B3GNT2: variants seen among roughly 807,000 people sequenced by gnomAD.
B3GNT2 encodes the protein N-acetyllactosaminide beta-1,3-N-acetylglucosaminyltransferase 2.
B3GNT2 carries 12 observed loss-of-function variants against 27.6 expected under a neutral mutation model. The observed-to-expected ratio is 0.44, with a 90% confidence interval of 0.28 to 0.71. B3GNT2 has a LOEUF of 0.71. Ranked by LOEUF, B3GNT2 falls within the 30% of genes least tolerant of loss-of-function variation. The probability of loss-of-function intolerance (pLI) is 0.17; values close to 1 mark genes in which losing one functional copy is unlikely to be tolerated. For synonymous variants in B3GNT2, 192 were observed against 189.7 expected (o/e 1.01, Z -0.10); for missense variants, 413 against 488.5 (o/e 0.85, Z 1.46).
At chr2:62,206,489 G>A (rs1227236112) in intron 1 of B3GNT2, among the ~76,000 whole-genome samples, 1 of 152,186 alleles carries the variant, frequency 6.6e-6, no homozygotes, top group Non-Finnish European at 1.5e-5. Flanking sequence ...GAGTGTCCTT[G>A]ATACCTTTAT....
intron 1 of B3GNT2, among the ~76,000 whole-genome samples, chr2:62,209,681 C>T (rs1022772292): frequency 1.1e-4 from 16 of 152,094 alleles, no homozygotes; most frequent in Non-Finnish European, 2.1e-4. Flanking sequence ...TGGTGGGTAA[C>T]GCTGGTTCTT....
chr2:62,211,373 AAATT>A (rs1307619673), intron 1 of B3GNT2, among the ~76,000 whole-genome samples: 1 of 152,060 alleles, frequency 6.6e-6, no homozygotes, highest in Non-Finnish European at 1.5e-5. Context: ...CCCCCCAAAA[AAATT>A]TGATAAGGCA....
Position 62,222,123 on chromosome 2 carries a change from A to G in B3GNT2, c.-9-89A>G, listed in dbSNP as rs1674709229. 2 of 1,186,600 alleles carry G rather than the reference A, an allele frequency of 1.7e-6. No individual in the cohort carries two copies. Among genetic ancestry groups the G allele is most frequent in the Admixed American group, 2.5e-5 (1 of 39,970 alleles). The allele number at this position is 1,186,600 out of a possible 1,614,324, so 73.5% of individuals were successfully genotyped here. ...AAGTGTAGAGTCTTTGCTGTAAACCACTATTCCTGGGGAGACAGGTAAAAT... is the reference window on the plus strand; with the variant it reads ...AAGTGTAGAGTCTTTGCTGTAAACCGCTATTCCTGGGGAGACAGGTAAAAT... On this transcript the variant is annotated intron_variant, in intron 1 of 1. Transcript: ENST00000301998. This position sits in a 1 kb window ranked among gnomAD's most constrained non-coding sequence, Gnocchi z 4.2.
chr2:62,222,814 G>A lies in B3GNT2; in HGVS notation c.594G>A (p.Leu198=). 1 of 1,614,190 alleles carries A rather than the reference G, an allele frequency of 6.2e-7. No homozygotes were observed. Among genetic ancestry groups the A allele is most frequent in the Non-Finnish European group, 8.5e-7 (1 of 1,180,038 alleles). Residue 198 remains leucine (L), a synonymous_variant, in exon 2 of 2, where the codon CTG becomes CTA. Coordinates refer to ENST00000301998, the MANE Select transcript of B3GNT2 (RefSeq NM_006577.6). The surrounding 1 kb of genome is among the most constrained non-coding windows in gnomAD (Gnocchi z 4.2). Reference sequence around the variant, plus strand: ...ACCACCCCGACCTTTCAGATATGCTGAAATTTGAGAGTGAGAAGCACCAAG... The same window carrying A: ...ACCACCCCGACCTTTCAGATATGCTAAAATTTGAGAGTGAGAAGCACCAAG... ...EDNHPDLSDM[L]KFESEKHQDI...
At chr2:62,205,348 G>A (rs1674353448) in intron 1 of B3GNT2, among the ~76,000 whole-genome samples, 1 of 152,250 alleles carries the variant, frequency 6.6e-6, no homozygotes, top group Non-Finnish European at 1.5e-5. Context: ...ACGGAAGCAA[G>A]TCTTGGTCGA....
intron 1 of B3GNT2, among the ~76,000 whole-genome samples, chr2:62,200,221 G>A (rs952354078): frequency 6.6e-5 from 10 of 151,940 alleles, no homozygotes; most frequent in Admixed American, 6.6e-4. Flanking sequence ...TGCAATTTTA[G>A]CTTTAGGTAT....
Position 62,199,828 on chromosome 2 carries a change from A to G in B3GNT2, c.-10+3473A>G, listed in dbSNP as rs374988134. ...TACTTGCCAAATATGTCTGCAAATT[A>G]CAGAATGAATACATTCCTCTCTCTG... On this transcript the variant is annotated intron_variant, in intron 1 of 1. Coordinates refer to ENST00000301998, the MANE Select transcript of B3GNT2 (RefSeq NM_006577.6). 1.4e-4 allele frequency among the ~76,000 whole-genome samples: 21 copies of G among 152,360 alleles called. No individual in the cohort carries two copies. The East Asian group carries it at 3.9e-3, about 28-fold the overall frequency.
chr2:62,196,979 C>T (rs764907138), intron 1 of B3GNT2, among the ~76,000 whole-genome samples: 111 of 152,138 alleles, frequency 7.3e-4, no homozygotes, highest in Non-Finnish European at 1.3e-3. Flanking sequence ...TCTCCGGCTC[C>T]CCCAAAACTG....
At chr2:62,218,829 T>C (rs1674625111) in intron 1 of B3GNT2, among the ~76,000 whole-genome samples, 1 of 152,198 alleles carries the variant, frequency 6.6e-6, no homozygotes, top group Non-Finnish European at 1.5e-5. Flanking sequence ...AAATGAAAGT[T>C]GAGGGTGGTG....
Position 62,223,690 on chromosome 2 carries a change from C to T in B3GNT2, c.*276C>T, listed in dbSNP as rs753452324. 4 of 296,688 alleles carry T rather than the reference C, an allele frequency of 1.3e-5. No individual in the cohort carries two copies. The highest frequency in any genetic ancestry group is 2.0e-5 in the Non-Finnish European group (3 of 150,582). 18.4% of individuals were successfully genotyped at this position (296,688 alleles called of 1,614,324 possible). On this transcript the variant is annotated 3_prime_UTR_variant, in exon 2 of 2. Coordinates refer to ENST00000301998, the MANE Select transcript of B3GNT2 (RefSeq NM_006577.6). ...AAACTTGTACCCTCTTATCTGAAAT[C>T]CTGTTTCTGGAATTTGGCCATTTTA...
At chr2:62,213,091 T>C (rs953350161) in intron 1 of B3GNT2, among the ~76,000 whole-genome samples, 2 of 152,114 alleles carry the variant, frequency 1.3e-5, no homozygotes, top group African/African-American at 4.8e-5. Flanking sequence ...TGCATTCCGG[T>C]GTTTTTTTTC....
intron 1 of B3GNT2, chr2:62,221,736 G>T: frequency 2.3e-6 from 1 of 436,388 alleles, no homozygotes; most frequent in Admixed American, 2.7e-5. Flanking sequence ...CATGTAAATA[G>T]AGTTTTGTGT....
At position 62,223,308 on chromosome 2, in the gene B3GNT2, AAAAT is replaced by A. The variant is rs1674759444; in HGVS notation, c.1091_1094del (p.Asn364ThrfsTer6). 1 of 1,614,102 alleles carries A rather than the reference AAAAT, an allele frequency of 6.2e-7. No homozygotes were observed. Among genetic ancestry groups the A allele is most frequent in the South Asian group, 1.1e-5 (1 of 91,090 alleles). The stretch of plus-strand genomic sequence containing the variant: ...ACATTTGATATCGAGGAGAAAAACA[AAAAT>A]AACATCTGCTCCTATGTAGATCTGA... On this transcript the variant is annotated frameshift_variant, in exon 2 of 2. Coordinates refer to ENST00000301998, the MANE Select transcript of B3GNT2 (RefSeq NM_006577.6). LOFTEE classifies it high-confidence loss of function.
At chr2:62,203,934 T>G (rs115560404) in intron 1 of B3GNT2, among the ~76,000 whole-genome samples, 2 of 152,156 alleles carry the variant, frequency 1.3e-5, no homozygotes, top group Non-Finnish European at 2.9e-5. Context: ...TTCACATGTT[T>G]ATTATTGGAA....
At chr2:62,197,836 A>C (rs901580337) in intron 1 of B3GNT2, among the ~76,000 whole-genome samples, 2 of 152,200 alleles carry the variant, frequency 1.3e-5, no homozygotes, top group Non-Finnish European at 2.9e-5. Flanking sequence ...GAGGACCGGC[A>C]GGGCAGGGCA....
At chr2:62,197,048 A>G (rs557086604) in intron 1 of B3GNT2, among the ~76,000 whole-genome samples, 1 of 144,102 alleles carries the variant, frequency 6.9e-6, no homozygotes, top group South Asian at 2.3e-4. Flanking sequence ...AATATTCCAC[A>G]CTGTTTGCGT....
At chr2:62,201,781 A>G (rs1034311799) in intron 1 of B3GNT2, among the ~76,000 whole-genome samples, 3 of 152,224 alleles carry the variant, frequency 2.0e-5, no homozygotes, top group Non-Finnish European at 2.9e-5. Flanking sequence ...GGTCCTTCTA[A>G]GTGCTCATTT....
At chr2:62,196,386 G>C (rs1674141502) in intron 1 of B3GNT2, 31 bp downstream of exon 1, 1 of 152,530 alleles carries the variant, frequency 6.6e-6, no homozygotes, top group Non-Finnish European at 1.5e-5. Flanking sequence ...ACCCCCGCCG[G>C]CTCCCTCCCC....
intron 1 of B3GNT2, among the ~76,000 whole-genome samples, chr2:62,210,853 A>G (rs1674469563): frequency 1.3e-5 from 2 of 152,192 alleles, no homozygotes; most frequent in South Asian, 4.1e-4. Context: ...ACGAGAGGAT[A>G]AATCAGTGTG....
Sources: gnomAD v4.1 joint callset for allele counts (sites outside exome capture counted in the v4.1 genomes callset) on GRCh38, gnomAD v4.1.1 for gene constraint, Gnocchi (gnomAD v3.1) non-coding constraint, MANE v1.5 for transcripts, NCBI Gene and HGNC (gene_info 2026-07-23, HGNC 2026-07-21) for gene names.